Variants in PRKCE observed in about 807,000 individuals in gnomAD.
PRKCE encodes protein kinase C epsilon type.
Under a neutral mutation model 85.4 loss-of-function variants are expected in PRKCE, and 16 were observed. That is an observed-to-expected ratio of 0.19 (90% confidence interval 0.13 to 0.28). The LOEUF (loss-of-function observed/expected upper bound fraction) is 0.28, where lower values mean the gene tolerates loss of function less well. PRKCE is among the 10% of genes least tolerant of loss of function. The pLI is 1.00. For synonymous variants in PRKCE, 388 were observed against 371.5 expected, an observed-to-expected ratio of 1.04 and a Z score of -0.51; for missense variants, 573 against 975.2, an observed-to-expected ratio of 0.59 and a Z score of 5.49.
At chr2:45,886,298 C>T (rs939859839) in intron 2 of PRKCE, among the ~76,000 whole-genome samples, 1 of 152,146 alleles carries the variant, frequency 6.6e-6, no homozygotes, top group Non-Finnish European at 1.5e-5. Context: ...CTCTGAGCTC[C>T]GTAGCCTGTG....
chr2:45,698,208 G>A (rs557009815), intron 1 of PRKCE, among the ~76,000 whole-genome samples: 8 of 152,328 alleles, frequency 5.3e-5, no homozygotes, highest in African/African-American at 1.7e-4. Context: ...GTTTTGCAAC[G>A]TAGTGATCTA....
At chr2:46,067,289 A>G (rs930742873) in intron 10 of PRKCE, among the ~76,000 whole-genome samples, 1 of 152,232 alleles carries the variant, frequency 6.6e-6, no homozygotes, top group East Asian at 1.9e-4. Context: ...CTGAGTCTTC[A>G]TCCATCAAAA....
intron 1 of PRKCE, among the ~76,000 whole-genome samples, chr2:45,738,070 AC>A (rs1318430726): frequency 1.3e-5 from 2 of 151,952 alleles, no homozygotes; most frequent in East Asian, 3.9e-4. Context: ...GGCGACGCAA[AC>A]CTTTTGTCTG....
At chr2:45,777,345 T>C (rs935686267) in intron 1 of PRKCE, among the ~76,000 whole-genome samples, 5 of 152,036 alleles carry the variant, frequency 3.3e-5, no homozygotes, top group African/African-American at 1.2e-4. Flanking sequence ...CTTGATCTCC[T>C]GGGGAAATGT....
chr2:45,807,069 G>C (rs77411386), intron 1 of PRKCE, among the ~76,000 whole-genome samples: 27 of 152,302 alleles, frequency 1.8e-4, no homozygotes, highest in African/African-American at 6.5e-4. Flanking sequence ...GGGCTGGCAC[G>C]GGCTGGGGAG....
At chr2:45,775,594 A>G (rs1420046226) in intron 1 of PRKCE, among the ~76,000 whole-genome samples, 1 of 152,090 alleles carries the variant, frequency 6.6e-6, no homozygotes, top group African/African-American at 2.4e-5. Flanking sequence ...AAGAGAATAA[A>G]TCCAGAATCT....
intron 1 of PRKCE, among the ~76,000 whole-genome samples, chr2:45,778,066 T>A (rs1158100521): frequency 7.4e-6 from 1 of 135,526 alleles, no homozygotes; most frequent in Admixed American, 7.7e-5. Context: ...AATTTATCTC[T>A]TGGGCTTCAT....
Position 46,001,293 on chromosome 2 carries a change from AT to A in PRKCE, c.824-110del. ...TATATTTCTGTATTTTCCAAATTAT[AT>A]CTTAAATGAACATGTAATACTTCAT... On this transcript the variant is annotated intron_variant, in intron 6 of 14. Transcript: ENST00000306156. The surrounding 1 kb of genome is among the most constrained non-coding windows in gnomAD (Gnocchi z 4.4). 2 of 984,020 alleles carry A rather than the reference AT, an allele frequency of 2.0e-6. No homozygotes were observed. The highest frequency in any genetic ancestry group is 3.2e-5 in the East Asian group (1 of 30,944). The allele number at this position is 984,020 out of a possible 1,614,324, so 61.0% of individuals were successfully genotyped here.
chr2:45,917,353 T>C (rs1414220123), intron 2 of PRKCE, among the ~76,000 whole-genome samples: 2 of 152,094 alleles, frequency 1.3e-5, no homozygotes, highest in African/African-American at 4.8e-5. Context: ...AACCTTGAGC[T>C]AGATACAGAG....
At chr2:45,720,110 C>T (rs539331864) in intron 1 of PRKCE, among the ~76,000 whole-genome samples, 2 of 152,210 alleles carry the variant, frequency 1.3e-5, no homozygotes, top group South Asian at 4.1e-4. Flanking sequence ...TCTGATGGAG[C>T]TATGGGCTGC....
Position 46,155,104 on chromosome 2 carries a change from GGGT to G in PRKCE, c.1920+3876_1920+3878del, listed in dbSNP as rs1282370257. Among the ~76,000 whole-genome samples, 22 of 152,286 alleles carry G rather than the reference GGGT, an allele frequency of 1.4e-4. 1 individual carries two copies. In the East Asian group the frequency reaches 3.7e-3, roughly 25 times the overall value. The stretch of plus-strand genomic sequence containing the variant: ...AAGGTGAACAGGACTGGGTGGGGCA[GGGT>G]AAACGGAGACCCCTCATGATCCCCC... On this transcript the variant is annotated intron_variant, in intron 13 of 14. Transcript: ENST00000306156. The surrounding 1 kb of genome is among the most constrained non-coding windows in gnomAD (Gnocchi z 4.7).
intron 2 of PRKCE, among the ~76,000 whole-genome samples, chr2:45,971,467 A>G (rs1702106234): frequency 6.6e-6 from 1 of 152,256 alleles, no homozygotes; most frequent in Non-Finnish European, 1.5e-5. Context: ...TGCTAAGGAC[A>G]TAGAAATCTG....
intron 2 of PRKCE, among the ~76,000 whole-genome samples, chr2:45,954,621 G>C (rs1289370489): frequency 1.3e-5 from 2 of 152,166 alleles, no homozygotes; most frequent in Non-Finnish European, 2.9e-5. Context: ...CAAGAGAAAA[G>C]TAATGTATAG....
rs560256044 is a variant in PRKCE, at chr2:45,905,313, C to T, written c.412+62250C>T. 2.6e-5 allele frequency among the ~76,000 whole-genome samples: 4 copies of T among 152,302 alleles called. No individual in the cohort carries two copies. The highest frequency in any genetic ancestry group is 3.9e-4 in the East Asian group (2 of 5,186). On this transcript the variant is annotated intron_variant, in intron 2 of 14. Transcript: ENST00000306156. This position sits in a 1 kb window ranked among gnomAD's most constrained non-coding sequence, Gnocchi z 4.4. The stretch of plus-strand genomic sequence containing the variant: ...CAGGGAAGCTCCAAAAAAAAAGTAA[C>T]TCAGAGGTCAAGGTGAACCCTGAAT...
chr2:46,174,338 C>T (rs1391696853), intron 14 of PRKCE, among the ~76,000 whole-genome samples: 1 of 152,212 alleles, frequency 6.6e-6, no homozygotes, highest in Non-Finnish European at 1.5e-5. Flanking sequence ...TTTTCTTCTC[C>T]CTTAAAAGGT....
At chr2:45,949,619 C>T (rs1426859625) in intron 2 of PRKCE, among the ~76,000 whole-genome samples, 1 of 151,396 alleles carries the variant, frequency 6.6e-6, no homozygotes, top group Admixed American at 6.6e-5. Flanking sequence ...AAATCTTCCC[C>T]TATCTAAATG....
intron 2 of PRKCE, among the ~76,000 whole-genome samples, chr2:45,930,034 C>T (rs1698918753): frequency 6.6e-6 from 1 of 152,212 alleles, no homozygotes; most frequent in African/African-American, 2.4e-5. Flanking sequence ...GGTCGTATAT[C>T]ATGGTTTTTG....
intron 14 of PRKCE, among the ~76,000 whole-genome samples, chr2:46,161,165 A>C (rs1206790405): frequency 6.6e-6 from 1 of 152,198 alleles, no homozygotes; most frequent in Non-Finnish European, 1.5e-5. Flanking sequence ...CTGCTGCCAC[A>C]GGGCTCCCTG....
At chr2:46,031,851 G>A (rs1707545049) in intron 10 of PRKCE, among the ~76,000 whole-genome samples, 1 of 152,112 alleles carries the variant, frequency 6.6e-6, no homozygotes, top group Admixed American at 6.5e-5. Flanking sequence ...GCTCCTCACA[G>A]CCCCTACCAA....
Sources: gnomAD v4.1 joint callset for allele counts (sites outside exome capture counted in the v4.1 genomes callset) on GRCh38, gnomAD v4.1.1 for gene constraint, Gnocchi (gnomAD v3.1) non-coding constraint, MANE v1.5 for transcripts, NCBI Gene and HGNC (gene_info 2026-07-23, HGNC 2026-07-21) for gene names.